The following ZNF804B variants were observed in gnomAD, a reference collection of about 807,000 sequenced individuals.
ZNF804B encodes the protein zinc finger 804B.
A neutral mutation model predicts 101.4 loss-of-function variants in ZNF804B; 80 were observed. The observed-to-expected ratio is 0.79, with a 90% CI of 0.66 to 0.95. The LOEUF is 0.95. Among genes scored for constraint, ZNF804B ranks in the 40% least tolerant of loss-of-function variants. The pLI, the probability that ZNF804B is intolerant of heterozygous loss-of-function variation, is 0.00. For missense variants in ZNF804B, 1,673 were observed against 1,561.9 expected (o/e 1.07, Z -1.20); for synonymous variants, 622 against 558.8 (o/e 1.11, Z -1.59).
intron 1 of ZNF804B, among the ~76,000 whole-genome samples, chr7:88,926,412 C>A (rs1792798225): frequency 6.9e-6 from 1 of 144,728 alleles, no homozygotes; most frequent in African/African-American, 2.7e-5. Flanking sequence ...CATGGCGAAA[C>A]CCCATGTCTA....
intron 1 of ZNF804B, among the ~76,000 whole-genome samples, chr7:88,992,026 T>G (rs963868491): frequency 6.6e-6 from 1 of 152,188 alleles, no homozygotes; most frequent in African/African-American, 2.4e-5. Context: ...GCCTTGGCTA[T>G]TCTTTTACTT....
At chr7:89,295,769 A>C (rs1324374237) in intron 2 of ZNF804B, among the ~76,000 whole-genome samples, 1 of 152,082 alleles carries the variant, frequency 6.6e-6, no homozygotes, top group African/African-American at 2.4e-5. Flanking sequence ...CCATCAACTA[A>C]TGGGTAGATA....
At chr7:88,888,074 T>C (rs1562823299) in intron 1 of ZNF804B, among the ~76,000 whole-genome samples, 1 of 152,186 alleles carries the variant, frequency 6.6e-6, no homozygotes, top group Non-Finnish European at 1.5e-5. Flanking sequence ...TGGACATCAT[T>C]ATGCCCAAAT....
At chr7:88,794,446 G>A (rs758766386) in intron 1 of ZNF804B, 62 of 1,613,744 alleles carry the variant, frequency 3.8e-5, no homozygotes, top group Admixed American at 8.3e-5. Context: ...CTCCTTTAGG[G>A]ACTGTGACTG....
At position 88,911,171 on chromosome 7, in the gene ZNF804B, G is replaced by A. The variant is rs116206653; in HGVS notation, c.108+151087G>A. Among the ~76,000 whole-genome samples the A allele has an allele frequency of 5.9e-3, 890 of 152,036 alleles. 8 individuals carry two copies. Among genetic ancestry groups the A allele is most frequent in the African/African-American group, 0.02 (848 of 41,540 alleles). ...CCGAGAGGTTAAAGTGGGCACAAGA[G>A]CCTAAAATACAGGAATTTATGTAAG... On this transcript the variant is annotated intron_variant, in intron 1 of 3. Coordinates refer to ENST00000333190, the MANE Select transcript of ZNF804B (RefSeq NM_181646.5).
rs201616668 is a variant in ZNF804B at position 89,115,915 on chromosome 7, T to TTC, written c.109-102240_109-102239insTC. Reference sequence around the variant, plus strand: ...CAACAGGTTTTTTTGTTTTTTTTTTTCTTTTTTTTGACAAGAGTCTCACTC... The same window carrying TTC: ...CAACAGGTTTTTTTGTTTTTTTTTTTTCCTTTTTTTTGACAAGAGTCTCACTC... On this transcript the variant is annotated intron_variant, in intron 1 of 3. Transcript: ENST00000333190. Among the ~76,000 whole-genome samples, 46 of 149,808 alleles carry TTC rather than the reference T, an allele frequency of 3.1e-4. 2 individuals are homozygous for TTC. The East Asian group carries it at 9.0e-3, about 29-fold the overall frequency.
At chr7:88,787,817 C>G (rs1348106610) in intron 1 of ZNF804B, among the ~76,000 whole-genome samples, 2 of 152,134 alleles carry the variant, frequency 1.3e-5, no homozygotes, top group Non-Finnish European at 2.9e-5. Context: ...TTCTGCTATA[C>G]TGTCTTTATG....
In ZNF804B at chr7:89,334,016, C is replaced by T; in HGVS notation, c.1034C>T (p.Thr345Ile). 1 of 1,613,342 alleles carries T rather than the reference C, an allele frequency of 6.2e-7. No individual in the cohort carries two copies. The highest frequency in any genetic ancestry group is 2.2e-5 in the East Asian group (1 of 44,856). The change falls in exon 4 of 4, where the codon ACT becomes ATT. Residue 345 changes from threonine to isoleucine, a missense_variant. Physicochemically the swap from Thr to Ile is moderately conservative, Grantham distance 89. Transcript: ENST00000333190. Reference sequence around the variant, plus strand: ...ACTCCTACCAGCAGAGAAAAAGAAACTAGAAATACATTGAAGAACACTTTA... The same window carrying T: ...ACTCCTACCAGCAGAGAAAAAGAAATTAGAAATACATTGAAGAACACTTTA... ...DFTPTSREKETRNTLKNTLEN... is the reference protein window; with the variant it reads ...DFTPTSREKEIRNTLKNTLEN...
chr7:88,855,771 T>G (rs1791546471), intron 1 of ZNF804B, among the ~76,000 whole-genome samples: 1 of 152,200 alleles, frequency 6.6e-6, no homozygotes, highest in Admixed American at 6.5e-5. Flanking sequence ...CATCTTGAAT[T>G]AATTTTTGTA....
In ZNF804B at chr7:88,811,501, C is replaced by T. The variant is rs192312299; in HGVS notation, c.108+51417C>T. 2.0e-3 allele frequency among the ~76,000 whole-genome samples: 301 copies of T among 152,194 alleles called. 4 individuals carry two copies. The highest frequency in any genetic ancestry group is 1.5e-3 in the Non-Finnish European group (101 of 67,992). ...TATACCCAAAGGACTATAAAACATT[C>T]TATTATAAAGGTACATGCACATATA... On this transcript the variant is annotated intron_variant, in intron 1 of 3. Transcript: ENST00000333190.
At chr7:89,037,105 G>A (rs984431655) in intron 1 of ZNF804B, among the ~76,000 whole-genome samples, 2 of 152,066 alleles carry the variant, frequency 1.3e-5, no homozygotes, top group African/African-American at 4.8e-5. Flanking sequence ...AAGGGCAGAT[G>A]TTATCAGTTA....
chr7:88,783,459 T>C (rs1287280416), intron 1 of ZNF804B, among the ~76,000 whole-genome samples: 1 of 152,148 alleles, frequency 6.6e-6, no homozygotes, highest in Non-Finnish European at 1.5e-5. Flanking sequence ...GAATAGACAG[T>C]ATTAGAAGTT....
intron 1 of ZNF804B, among the ~76,000 whole-genome samples, chr7:88,770,051 A>G (rs1790039257): frequency 6.6e-6 from 1 of 152,216 alleles, no homozygotes; most frequent in African/African-American, 2.4e-5. Context: ...GTTAATAGAT[A>G]GTTAAATTCT....
chr7:89,219,614 A>G (rs1236985149), intron 2 of ZNF804B, among the ~76,000 whole-genome samples: 2 of 151,542 alleles, frequency 1.3e-5, no homozygotes, highest in Non-Finnish European at 2.9e-5. Flanking sequence ...CGATACTGGC[A>G]ATTTAGGAAT....
At chr7:88,980,520 A>G (rs559309071) in intron 1 of ZNF804B, among the ~76,000 whole-genome samples, 1 of 152,248 alleles carries the variant, frequency 6.6e-6, no homozygotes, top group Non-Finnish European at 1.5e-5. Flanking sequence ...CCATATCTGC[A>G]ATAGGAGGCA....
intron 1 of ZNF804B, among the ~76,000 whole-genome samples, chr7:88,842,717 C>T (rs1791306764): frequency 6.6e-6 from 1 of 152,164 alleles, no homozygotes; most frequent in Admixed American, 6.5e-5. Context: ...ATTTACTGGG[C>T]TCTGCTGCTT....
At chr7:89,228,054 C>G (rs765865121) in intron 2 of ZNF804B, among the ~76,000 whole-genome samples, 10 of 152,184 alleles carry the variant, frequency 6.6e-5, no homozygotes, top group Non-Finnish European at 1.2e-4. Context: ...AAGAATGAAG[C>G]TGCAGACCCT....
chr7:88,892,978 A>C (rs1360741297), intron 1 of ZNF804B, among the ~76,000 whole-genome samples: 1 of 152,082 alleles, frequency 6.6e-6, no homozygotes, highest in Non-Finnish European at 1.5e-5. Flanking sequence ...CTATCAGAGT[A>C]ATTTTTTAAA....
chr7:89,237,434 C>A (rs1024119056), intron 2 of ZNF804B, among the ~76,000 whole-genome samples: 2 of 152,160 alleles, frequency 1.3e-5, no homozygotes, highest in East Asian at 1.9e-4. Context: ...GCTCATAGAT[C>A]TGTCCCATCC....
Sources: gnomAD v4.1 joint callset for allele counts (sites outside exome capture counted in the v4.1 genomes callset) on GRCh38, gnomAD v4.1.1 for gene constraint, MANE v1.5 for transcripts, NCBI Gene and HGNC (gene_info 2026-07-23, HGNC 2026-07-21) for gene names.